The following PTGES3 variants were observed in gnomAD, a reference collection of about 807,000 sequenced individuals.
PTGES3 encodes the protein Hsp90 co-chaperone.
Under a neutral mutation model 29.9 loss-of-function variants are expected in PTGES3, and 5 were observed. That is an observed-to-expected ratio of 0.17 (90% CI 0.09 to 0.35). The LOEUF is 0.35. PTGES3 is among the 10% of genes least tolerant of loss of function. The pLI, the probability that PTGES3 is intolerant of heterozygous loss-of-function variation, is 1.00. For synonymous variants in PTGES3, 49 were observed against 57.8 expected (o/e 0.85, Z 0.69); for missense variants, 128 against 190.0 (o/e 0.67, Z 1.92).
intron 6 of PTGES3, chr12:56,665,398 G>A (rs1008251157): frequency 2.4e-4 from 205 of 866,754 alleles, no homozygotes; most frequent in Non-Finnish European, 2.8e-4. Context: ...GGGTTCAAGC[G>A]ATTCTCCTGC....
chr12:56,682,307 C>G (rs1952578510), intron 1 of PTGES3, among the ~76,000 whole-genome samples: 1 of 152,118 alleles, frequency 6.6e-6, no homozygotes. Flanking sequence ...GGCTCCAATT[C>G]CAGCACTCTG....
intron 1 of PTGES3, among the ~76,000 whole-genome samples, chr12:56,682,860 G>A (rs891010579): frequency 6.6e-6 from 1 of 151,970 alleles, no homozygotes; most frequent in Non-Finnish European, 1.5e-5. Context: ...TGGGCATAGC[G>A]GCACATGCCT....
At position 56,671,732 on chromosome 12, in the gene PTGES3, A is replaced by C. The variant is rs999220353; in HGVS notation, c.285+17T>G. 6 of 1,464,180 alleles carry C rather than the reference A, an allele frequency of 4.1e-6. No individual in the cohort carries two copies. Among genetic ancestry groups the C allele is most frequent in the African/African-American group, 2.9e-5 (2 of 69,616 alleles). 90.7% of individuals were successfully genotyped at this position (1,464,180 alleles called of 1,614,324 possible). A position where few individuals can be genotyped will look rare whatever the true frequency, so the allele number is the denominator to read the frequency against. ...ATAAAAATATCAAACTTTTCAAAAA[A>C]GGAAAATGAAACCTACCTTTGCCCT... is the stretch of plus-strand genomic sequence containing the variant. On this transcript the variant is annotated intron_variant, in intron 4 of 7. Coordinates refer to ENST00000262033, the MANE Select transcript of PTGES3 (RefSeq NM_006601.7).
intron 1 of PTGES3, among the ~76,000 whole-genome samples, chr12:56,674,975 G>C (rs1952168203): frequency 7.3e-6 from 1 of 137,096 alleles, no homozygotes; most frequent in Admixed American, 7.7e-5. Flanking sequence ...TTGCACTCCA[G>C]CCTGGGCAAC....
intron 1 of PTGES3, chr12:56,687,639 G>A (rs1486909423): frequency 5.1e-6 from 6 of 1,172,408 alleles, no homozygotes; most frequent in East Asian, 1.0e-4. Context: ...GCAGCCGAGA[G>A]GCGACCCACG....
intron 1 of PTGES3, among the ~76,000 whole-genome samples, chr12:56,678,031 G>A (rs1952347034): frequency 6.6e-6 from 1 of 152,046 alleles, no homozygotes; most frequent in Non-Finnish European, 1.5e-5. Context: ...TGAGTATGTG[G>A]GAGACAGCTT....
intron 4 of PTGES3, 105 bp from the exon 5 acceptor site, chr12:56,670,469 G>C (rs1951960597): frequency 1.2e-6 from 1 of 800,550 alleles, no homozygotes; most frequent in Non-Finnish European, 2.1e-6. Flanking sequence ...GTCTTGCTAT[G>C]TTGCCCAGGC....
chr12:56,682,721 GAAAAA>G (rs754040277), intron 1 of PTGES3, among the ~76,000 whole-genome samples: 5 of 114,290 alleles, frequency 4.4e-5, no homozygotes, highest in East Asian at 5.1e-4. Context: ...CCATTTAAAA[GAAAAA>G]AAAAAAAAAA....
chr12:56,665,549 T>TCC, intron 6 of PTGES3: 1 of 985,178 alleles, frequency 1.0e-6, no homozygotes, highest in Non-Finnish European at 1.2e-6. Flanking sequence ...CATCTCCGCC[T>TCC]CCCAATGTCC....
chr12:56,673,330 T>C (rs967192238), intron 1 of PTGES3, among the ~76,000 whole-genome samples: 1 of 151,700 alleles, frequency 6.6e-6, no homozygotes, highest in East Asian at 1.9e-4. Context: ...TCTAGTCCTA[T>C]CAAAAATTAT....
At chr12:56,682,058 G>A (rs1952567266) in intron 1 of PTGES3, among the ~76,000 whole-genome samples, 1 of 151,926 alleles carries the variant, frequency 6.6e-6, no homozygotes, top group African/African-American at 2.4e-5. Flanking sequence ...TGTTGGCCAG[G>A]CTAGTCTGGA....
chr12:56,681,354 G>C (rs954516119), intron 1 of PTGES3, among the ~76,000 whole-genome samples: 4 of 150,668 alleles, frequency 2.7e-5, no homozygotes, highest in Non-Finnish European at 5.9e-5. Context: ...CTGGCTAACA[G>C]AGTGAAACCC....
chr12:56,673,724 C>T (rs1488409262), intron 1 of PTGES3, among the ~76,000 whole-genome samples: 3 of 138,172 alleles, frequency 2.2e-5, no homozygotes, highest in Non-Finnish European at 4.5e-5. Flanking sequence ...ACCTGGGAGG[C>T]GGAGGTTGCA....
At chr12:56,665,896 C>G in intron 6 of PTGES3, 2 of 975,332 alleles carry the variant, frequency 2.1e-6, no homozygotes, top group Non-Finnish European at 2.5e-6. Flanking sequence ...GCTGGGATAA[C>G]AGACATGAGC....
chr12:56,687,139 TC>T, intron 1 of PTGES3: 1 of 882,444 alleles, frequency 1.1e-6, no homozygotes, highest in Non-Finnish European at 1.5e-6. Flanking sequence ...TGCCATAGAA[TC>T]TGTATTCACC....
chr12:56,669,574 C>T (rs1460208117), intron 5 of PTGES3, among the ~76,000 whole-genome samples: 2 of 151,920 alleles, frequency 1.3e-5, no homozygotes, highest in African/African-American at 4.8e-5. Context: ...TGAGCCACCG[C>T]GCCCAGCCTA....
At chr12:56,681,893 G>A (rs932906315) in intron 1 of PTGES3, among the ~76,000 whole-genome samples, 3 of 152,038 alleles carry the variant, frequency 2.0e-5, no homozygotes, top group Non-Finnish European at 2.9e-5. Context: ...CCAGGCTGGA[G>A]TGCAGCAGTG....
intron 1 of PTGES3, among the ~76,000 whole-genome samples, chr12:56,678,328 C>A (rs2137673414): frequency 6.6e-6 from 1 of 152,164 alleles, no homozygotes; most frequent in Non-Finnish European, 1.5e-5. Context: ...CAGGCGCCCG[C>A]CACCAAGCCT....
At chr12:56,683,473 C>CAAAAGAAAAAAAA (rs1952656855) in intron 1 of PTGES3, among the ~76,000 whole-genome samples, 1 of 29,750 alleles carries the variant, frequency 3.4e-5, no homozygotes, top group Non-Finnish European at 6.3e-5. Context: ...AACTCTGTCT[C>CAAAAGAAAAAAAA]AAAAAAAAAA....
Sources: gnomAD v4.1 joint callset for allele counts (sites outside exome capture counted in the v4.1 genomes callset) on GRCh38, gnomAD v4.1.1 for gene constraint, MANE v1.5 for transcripts, NCBI Gene and HGNC (gene_info 2026-07-23, HGNC 2026-07-21) for gene names.